The following GPD1L variants were observed in gnomAD, a reference collection of about 807,000 sequenced individuals.
GPD1L encodes glycerol-3-phosphate dehydrogenase 1-like protein.
GPD1L carries 17 observed loss-of-function variants against 32.9 expected under a neutral mutation model. That is an observed-to-expected ratio of 0.52 (90% CI 0.35 to 0.78). The LOEUF (loss-of-function observed/expected upper bound fraction) is 0.78, where lower values mean the gene tolerates loss of function less well. Ranked by LOEUF, GPD1L falls within the 30% of genes least tolerant of loss-of-function variation. The pLI, the probability that GPD1L is intolerant of heterozygous loss-of-function variation, is 0.01. For synonymous variants in GPD1L, 187 were observed against 165.9 expected (o/e 1.13, Z -0.98); for missense variants, 361 against 447.8 (o/e 0.81, Z 1.75).
At chr3:32,126,591 C>G (rs1700511230) in intron 1 of GPD1L, among the ~76,000 whole-genome samples, 1 of 152,172 alleles carries the variant, frequency 6.6e-6, no homozygotes, top group Non-Finnish European at 1.5e-5. Context: ...GATTCCTGGC[C>G]TCCCTTCTAC....
At chr3:32,156,741 T>C (rs1199032315) in intron 5 of GPD1L, among the ~76,000 whole-genome samples, 2 of 152,356 alleles carry the variant, frequency 1.3e-5, no homozygotes, top group Admixed American at 6.5e-5. Flanking sequence ...ATGTGTTTTA[T>C]CAAAAACTGC....
At chr3:32,155,706 G>A (rs1040772525) in intron 5 of GPD1L, among the ~76,000 whole-genome samples, 1 of 152,206 alleles carries the variant, frequency 6.6e-6, no homozygotes, top group Non-Finnish European at 1.5e-5. Flanking sequence ...GTGTCAATCT[G>A]TTGCCCCAGT....
chr3:32,157,218 C>T (rs1701004617), intron 5 of GPD1L, among the ~76,000 whole-genome samples: 1 of 151,268 alleles, frequency 6.6e-6, no homozygotes, highest in Admixed American at 6.6e-5. Context: ...CTTGTGGCTC[C>T]TGCCACTTGT....
intron 5 of GPD1L, among the ~76,000 whole-genome samples, chr3:32,150,094 A>G (rs1219638983): frequency 6.6e-6 from 1 of 152,196 alleles, no homozygotes; most frequent in Non-Finnish European, 1.5e-5. Context: ...ACAACTCCAC[A>G]TGTCCCTTTG....
At chr3:32,127,939 C>T in intron 1 of GPD1L, 137 bp from the exon 2 acceptor site, 1 of 708,522 alleles carries the variant, frequency 1.4e-6, no homozygotes. Flanking sequence ...TGGCTTGGGG[C>T]TGATACACGT....
chr3:32,127,582 G>A (rs1226973951), intron 1 of GPD1L, among the ~76,000 whole-genome samples: 4 of 152,212 alleles, frequency 2.6e-5, no homozygotes, highest in East Asian at 1.9e-4. Context: ...GTTGCAGGGC[G>A]GAGGGAGTGC....
intron 1 of GPD1L, 86 bp from the exon 2 acceptor site, chr3:32,127,990 C>A: frequency 2.2e-6 from 2 of 924,856 alleles, no homozygotes; most frequent in Non-Finnish European, 3.5e-6. Context: ...AGAATCAAAA[C>A]ACAAGTCTTC....
chr3:32,131,014 A>G (rs1700580293), intron 2 of GPD1L, among the ~76,000 whole-genome samples: 1 of 148,784 alleles, frequency 6.7e-6, no homozygotes, highest in African/African-American at 2.5e-5. Flanking sequence ...GACTCCATCT[A>G]AAAAAAAAAT....
At chr3:32,117,199 CT>C (rs1201717286) in intron 1 of GPD1L, among the ~76,000 whole-genome samples, 1 of 152,140 alleles carries the variant, frequency 6.6e-6, no homozygotes, top group Non-Finnish European at 1.5e-5. Flanking sequence ...TATAGGTATG[CT>C]TTTGTTTAAT....
At chr3:32,147,022 C>A (rs1318123242) in intron 5 of GPD1L, among the ~76,000 whole-genome samples, 2 of 152,220 alleles carry the variant, frequency 1.3e-5, no homozygotes, top group African/African-American at 2.4e-5. Context: ...TCCTTGATGA[C>A]AGGGTTTCAC....
chr3:32,151,302 G>T, intron 5 of GPD1L: 2 of 630,008 alleles, frequency 3.2e-6, no homozygotes. Context: ...TTAATTCTTG[G>T]CAAGAATCTT....
At chr3:32,129,843 TG>T (rs1224673466) in intron 2 of GPD1L, among the ~76,000 whole-genome samples, 2 of 152,222 alleles carry the variant, frequency 1.3e-5, no homozygotes, top group African/African-American at 4.8e-5. Flanking sequence ...AATCCATTCT[TG>T]GGGCAGATCA....
chr3:32,115,780 T>C (rs1260824551), intron 1 of GPD1L, among the ~76,000 whole-genome samples: 26 of 83,442 alleles, frequency 3.1e-4, no homozygotes, highest in African/African-American at 1.2e-3. Flanking sequence ...TTTTTTTTTT[T>C]TTTTTTTTTT....
intron 2 of GPD1L, among the ~76,000 whole-genome samples, chr3:32,133,025 A>ACT (rs1417980497): frequency 6.6e-6 from 1 of 152,196 alleles, no homozygotes; most frequent in African/African-American, 2.4e-5. Flanking sequence ...TTGAGCCTCT[A>ACT]CTATGTCCCA....
chr3:32,156,212 A>G (rs1207469267), intron 5 of GPD1L, among the ~76,000 whole-genome samples: 1 of 152,134 alleles, frequency 6.6e-6, no homozygotes, highest in Non-Finnish European at 1.5e-5. Context: ...GGAATTACAC[A>G]CTGATGAGAA....
At chr3:32,121,697 T>TTATATATATATTTCTACATATATTTC (rs1559570646) in intron 1 of GPD1L, among the ~76,000 whole-genome samples, 3 of 134,246 alleles carry the variant, frequency 2.2e-5, no homozygotes, top group South Asian at 2.3e-4. Flanking sequence ...ATATATATAT[T>TTATATATATATTTCTACATATATTTC]TATATATATA....
chr3:32,122,496 A>G (rs961786536), intron 1 of GPD1L, among the ~76,000 whole-genome samples: 2 of 152,258 alleles, frequency 1.3e-5, no homozygotes, highest in African/African-American at 4.8e-5. Flanking sequence ...TTTGCATAGC[A>G]TTACAGGACT....
intron 1 of GPD1L, among the ~76,000 whole-genome samples, chr3:32,108,911 G>A (rs1275704436): frequency 2.0e-5 from 3 of 152,074 alleles, no homozygotes; most frequent in Non-Finnish European, 4.4e-5. Context: ...GTGCAGTGGC[G>A]CGATCTCTGC....
chr3:32,160,728 T>A (rs1701063647), intron 7 of GPD1L, among the ~76,000 whole-genome samples: 1 of 152,104 alleles, frequency 6.6e-6, no homozygotes, highest in African/African-American at 2.4e-5. Context: ...CTTAAGTCAG[T>A]TTATTTGCCA....
Sources: allele counts gnomAD v4.1 joint callset (sites outside exome capture counted in the v4.1 genomes callset), GRCh38; gene constraint gnomAD v4.1.1; transcripts MANE v1.5; gene names NCBI Gene and HGNC (gene_info 2026-07-23, HGNC 2026-07-21).